SETBP1: variants seen among roughly 807,000 people sequenced by gnomAD.
SETBP1 encodes the protein SET binding protein 1.
A neutral mutation model predicts 101.0 loss-of-function variants in SETBP1; 9 were observed. The observed-to-expected ratio is 0.09, with a 90% confidence interval of 0.05 to 0.16. The LOEUF (loss-of-function observed/expected upper bound fraction) is 0.16. Among genes scored for constraint, SETBP1 ranks in the 10% least tolerant of loss-of-function variants. The pLI, the probability that SETBP1 is intolerant of heterozygous loss-of-function variation, is 1.00. For missense variants in SETBP1, 1,858 were observed against 2,033.8 expected, an observed-to-expected ratio of 0.91 and a Z score of 1.66; for synonymous variants, 818 against 788.5, an observed-to-expected ratio of 1.04 and a Z score of -0.63.
rs184580448 is a variant in SETBP1, at chr18:44,874,184, G to A, written c.540+4901G>A. ...TTAATTAACTTATCTAACAAATAAG[G>A]GCTTTTATAGAACAATCACAATGCC... On this transcript the variant is annotated intron_variant, in intron 3 of 5. Transcript: ENST00000649279. Among the ~76,000 whole-genome samples, 16 of 152,120 alleles carry A rather than the reference G, an allele frequency of 1.1e-4. No individual in the cohort carries two copies. In the East Asian group the frequency reaches 3.1e-3, roughly 29 times the overall value.
At chr18:45,041,758 A>G (rs909216858) in intron 5 of SETBP1, among the ~76,000 whole-genome samples, 1 of 152,082 alleles carries the variant, frequency 6.6e-6, no homozygotes, top group African/African-American at 2.4e-5. Context: ...GGTCAGGAGT[A>G]CAAAACCAGC....
chr18:44,760,940 T>C lies in SETBP1; in HGVS notation c.486+59108T>C, dbSNP rs1195169029. ...ATTTCAATCCTTTGCATATGGCTGA[T>C]TAATGTGACATAGTATCTGTTGCCC... is the stretch of plus-strand genomic sequence containing the variant. On this transcript the variant is annotated intron_variant, in intron 2 of 5. Transcript: ENST00000649279. Among the ~76,000 whole-genome samples the C allele has an allele frequency of 8.5e-5, 13 of 152,350 alleles. No individual in the cohort carries two copies. The South Asian group carries it at 2.7e-3, about 32-fold the overall frequency.
In SETBP1 at chr18:44,796,937, C is replaced by G. The variant is rs2071491093; in HGVS notation, c.487-72293C>G. On this transcript the variant is annotated intron_variant, in intron 2 of 5. Transcript: ENST00000649279. ...TTGTCTCTCTCTCTTCTCCCTTATC[C>G]CCTTTTCCCTTCTGGACTTCCGCCT... is the stretch of plus-strand genomic sequence containing the variant. Among the ~76,000 whole-genome samples the G allele has an allele frequency of 1.3e-5, 2 of 152,158 alleles. 1 individual carries two copies. The highest frequency in any genetic ancestry group is 4.1e-4 in the South Asian group (2 of 4,822).
At chr18:45,029,223 T>C (rs951017630) in intron 4 of SETBP1, among the ~76,000 whole-genome samples, 2 of 152,196 alleles carry the variant, frequency 1.3e-5, no homozygotes, top group African/African-American at 4.8e-5. Context: ...TTCAGCTTTC[T>C]ACATATGGCT....
At position 44,827,542 on chromosome 18, in the gene SETBP1, T is replaced by C. The variant is rs1018563178; in HGVS notation, c.487-41688T>C. On this transcript the variant is annotated intron_variant, in intron 2 of 5. Transcript: ENST00000649279. ...ATATACATCTTCACTATCAAATGTA[T>C]ATCATTGACGGTCTTTTGTGGTTTG... Among the ~76,000 whole-genome samples the C allele has an allele frequency of 2.0e-5, 3 of 152,216 alleles. 1 individual carries two copies. Among genetic ancestry groups the C allele is most frequent in the Non-Finnish European group, 4.4e-5 (3 of 68,032 alleles).
chr18:44,733,069 T>C (rs1447132677), intron 2 of SETBP1: 2 of 152,200 alleles, frequency 1.3e-5, no homozygotes, highest in Non-Finnish European at 2.9e-5. Context: ...GCAATCTCTT[T>C]CTAGCTCCAG....
At chr18:44,850,619 C>T (rs2072834359) in intron 2 of SETBP1, among the ~76,000 whole-genome samples, 1 of 152,100 alleles carries the variant, frequency 6.6e-6, no homozygotes, top group South Asian at 2.1e-4. Flanking sequence ...GATCTGCCTG[C>T]CTCAGCCTCC....
Position 45,063,584 on chromosome 18 carries a change from C to A in SETBP1, c.4677C>A (p.Ala1559=). 6.4e-7 allele frequency: 1 copy of A among 1,572,990 alleles called. No homozygotes were observed. Among genetic ancestry groups the A allele is most frequent in the Non-Finnish European group, 8.6e-7 (1 of 1,158,776 alleles). Residue 1559 remains alanine, a synonymous_variant, in exon 6 of 6, where the codon GCC becomes GCA. Transcript: ENST00000649279. ...RGGKRKHKPQ[A]PAQPPQQSPP... ...GAAAGAGGAAACACAAACCGCAGGC[C>A]CCCGCTCAGCCCCCACAGCAGTCGC...
At chr18:44,817,192 G>C (rs1028692009) in intron 2 of SETBP1, among the ~76,000 whole-genome samples, 1 of 152,186 alleles carries the variant, frequency 6.6e-6, no homozygotes, top group African/African-American at 2.4e-5. Context: ...AAAAGTGCAG[G>C]TAGCTAACAG....
At chr18:44,757,621 C>T (rs1177367888) in intron 2 of SETBP1, among the ~76,000 whole-genome samples, 1 of 152,154 alleles carries the variant, frequency 6.6e-6, no homozygotes, top group East Asian at 1.9e-4. Flanking sequence ...ATGTGCCTCC[C>T]TACTGTGTGC....
chr18:44,747,163 A>G (rs1035542189), intron 2 of SETBP1, among the ~76,000 whole-genome samples: 2 of 152,198 alleles, frequency 1.3e-5, no homozygotes, highest in Non-Finnish European at 2.9e-5. Context: ...ACAGGTGATG[A>G]CCAGGTCTCC....
chr18:44,686,167 G>A (rs543534456), intron 1 of SETBP1, among the ~76,000 whole-genome samples: 75 of 152,328 alleles, frequency 4.9e-4, no homozygotes, highest in African/African-American at 1.8e-3. Context: ...CCAGAATCAG[G>A]AAAGTTCTTC....
At chr18:44,965,391 A>G (rs1315272277) in intron 4 of SETBP1, among the ~76,000 whole-genome samples, 1 of 152,164 alleles carries the variant, frequency 6.6e-6, no homozygotes, top group African/African-American at 2.4e-5. Context: ...GCATTTAGAG[A>G]GAAGGCACTT....
chr18:44,981,959 T>C (rs986367415), intron 4 of SETBP1, among the ~76,000 whole-genome samples: 3 of 152,176 alleles, frequency 2.0e-5, no homozygotes, highest in Non-Finnish European at 2.9e-5. Flanking sequence ...TTCACGCTGT[T>C]CAAAAGTGCC....
intron 3 of SETBP1, among the ~76,000 whole-genome samples, chr18:44,944,991 A>G (rs2071170448): frequency 6.6e-6 from 1 of 152,032 alleles, no homozygotes; most frequent in Non-Finnish European, 1.5e-5. Context: ...ACTTACACAC[A>G]CTTTATTTTT....
At chr18:44,932,273 C>G (rs921222910) in intron 3 of SETBP1, among the ~76,000 whole-genome samples, 3 of 152,212 alleles carry the variant, frequency 2.0e-5, no homozygotes, top group African/African-American at 7.2e-5. Flanking sequence ...GGTCCCCACT[C>G]TCTTCTGGCT....
intron 5 of SETBP1, among the ~76,000 whole-genome samples, chr18:45,056,491 G>A (rs540681278): frequency 9.9e-5 from 15 of 152,272 alleles, no homozygotes; most frequent in African/African-American, 3.4e-4. Flanking sequence ...GAATTATTTA[G>A]GTAAAATATA....
In SETBP1 at chr18:44,945,852, C is replaced by T. The variant is rs548623176; in HGVS notation, c.541-4029C>T. Among the ~76,000 whole-genome samples the T allele has an allele frequency of 5.3e-5, 8 of 152,232 alleles. No individual in the cohort carries two copies. The South Asian group carries it at 1.0e-3, about 20-fold the overall frequency. On this transcript the variant is annotated intron_variant, in intron 3 of 5. Coordinates refer to ENST00000649279, the MANE Select transcript of SETBP1 (RefSeq NM_015559.3). ...TAATAAAGACCTGAGTCAGGGAGCC[C>T]GATAAGATATCATCTCCCCAGACCA... is the stretch of plus-strand genomic sequence containing the variant.
intron 3 of SETBP1, among the ~76,000 whole-genome samples, chr18:44,927,140 C>T (rs564052637): frequency 7.9e-5 from 12 of 152,270 alleles, no homozygotes; most frequent in East Asian, 7.7e-4. Flanking sequence ...GGGTCTCCAA[C>T]GTCCTTCACA....
Sources: allele counts gnomAD v4.1 joint callset (sites outside exome capture counted in the v4.1 genomes callset), GRCh38; gene constraint gnomAD v4.1.1; transcripts MANE v1.5; gene names NCBI Gene and HGNC (gene_info 2026-07-23, HGNC 2026-07-21).